Variants in LGR5 observed in about 807,000 individuals in gnomAD.
LGR5 encodes leucine-rich repeat-containing G protein-coupled receptor 5.
Under a neutral mutation model 76.7 loss-of-function variants are expected in LGR5, and 54 were observed. The ratio of observed to expected loss-of-function variants is 0.70; its 90% CI spans 0.57 to 0.88. The LOEUF (loss-of-function observed/expected upper bound fraction) is 0.88, where lower values mean the gene tolerates loss of function less well. Ranked by LOEUF, LGR5 falls within the 40% of genes least tolerant of loss-of-function variation. The pLI, the probability that LGR5 is intolerant of heterozygous loss-of-function variation, is 0.00. For missense variants in LGR5, 1,078 were observed against 1,073.3 expected, an observed-to-expected ratio of 1.00 and a Z score of -0.06; for synonymous variants, 406 against 421.9, an observed-to-expected ratio of 0.96 and a Z score of 0.46.
At chr12:71,470,931 TC>T (rs1287915515) in intron 1 of LGR5, among the ~76,000 whole-genome samples, 2 of 152,148 alleles carry the variant, frequency 1.3e-5, no homozygotes, top group Non-Finnish European at 2.9e-5. Context: ...TGAAGTATGC[TC>T]CCCTCCAATG....
intron 1 of LGR5, among the ~76,000 whole-genome samples, chr12:71,462,362 T>G (rs1330475163): frequency 6.6e-6 from 1 of 152,198 alleles, no homozygotes; most frequent in Non-Finnish European, 1.5e-5. Context: ...ATTGAAATCC[T>G]AGGTTAATTT....
rs1565701102 is a variant in LGR5 at position 71,504,661 on chromosome 12, CCAGTCT to C, written c.262_267del (p.Ser88_Leu89del). Reference sequence around the variant, plus strand: ...AGTCAGCTGCTCCCGAATCCCCTGCCCAGTCTCCGCTTCCTGGAGGAGTTGTAAGTA... The same window carrying C: ...AGTCAGCTGCTCCCGAATCCCCTGCCCCGCTTCCTGGAGGAGTTGTAAGTA... On this transcript the variant is annotated inframe_deletion, in exon 2 of 18. Coordinates refer to ENST00000266674, the MANE Select transcript of LGR5 (RefSeq NM_003667.4). The C allele has an allele frequency of 6.2e-7, 1 of 1,613,896 alleles. No individual in the cohort carries two copies. Among genetic ancestry groups the C allele is most frequent in the Admixed American group, 1.7e-5 (1 of 59,996 alleles).
intron 4 of LGR5, among the ~76,000 whole-genome samples, chr12:71,541,122 TATG>T (rs1250638952): frequency 6.6e-6 from 1 of 152,196 alleles, no homozygotes; most frequent in Non-Finnish European, 1.5e-5. Flanking sequence ...AGTGAATTCT[TATG>T]AGGAGGAAAA....
Position 71,584,835 on chromosome 12 carries a change from G to T in LGR5, c.*101G>T, listed in dbSNP as rs1328873520. On this transcript the variant is annotated 3_prime_UTR_variant, in exon 18 of 18. Transcript: ENST00000266674. ...AATAAGAAGAGCTGAGGTGAAACTC[G>T]GTTTAAAAACCAAAAAAGAATCTCT... 1 of 1,328,192 alleles carries T rather than the reference G, an allele frequency of 7.5e-7. No homozygotes were observed. Among genetic ancestry groups the T allele is most frequent in the East Asian group, 2.3e-5 (1 of 43,028 alleles). The allele number at this position is 1,328,192 out of a possible 1,614,324, so 82.3% of individuals were successfully genotyped here. A position where few individuals can be genotyped will look rare whatever the true frequency, so the allele number is the denominator to read the frequency against.
upstream of LGR5, chr12:71,439,725 G>C (rs565139218): frequency 2.9e-5 from 7 of 239,622 alleles, no homozygotes; most frequent in African/African-American, 1.6e-4. Context: ...GGGAAGCCAG[G>C]CTGCGCTGAC....
intron 1 of LGR5, among the ~76,000 whole-genome samples, chr12:71,486,081 A>G (rs907747066): frequency 5.3e-5 from 8 of 152,118 alleles, no homozygotes; most frequent in Non-Finnish European, 1.0e-4. Flanking sequence ...GCTGCTTTTT[A>G]AGATCTAGCT....
intron 4 of LGR5, among the ~76,000 whole-genome samples, chr12:71,551,101 T>C (rs1298863906): frequency 6.6e-6 from 1 of 152,256 alleles, no homozygotes; most frequent in East Asian, 1.9e-4. Flanking sequence ...GTTGTTCTAT[T>C]GGAAATTTAA....
intron 4 of LGR5, among the ~76,000 whole-genome samples, chr12:71,538,470 G>T (rs540627217): frequency 2.6e-5 from 4 of 152,072 alleles, no homozygotes; most frequent in African/African-American, 9.6e-5. Context: ...AGTGAGCCCT[G>T]ATCATGCCAC....
chr12:71,542,440 A>G (rs1053215030), intron 4 of LGR5, among the ~76,000 whole-genome samples: 25 of 152,180 alleles, frequency 1.6e-4, no homozygotes, highest in Non-Finnish European at 2.9e-5. Flanking sequence ...CAAGGATTTC[A>G]GTCTTTACTG....
rs1293370808 is a variant in LGR5 at position 71,580,272 on chromosome 12, T to C, written c.1407-6T>C. 1 of 1,599,228 alleles carries C rather than the reference T, an allele frequency of 6.3e-7. No individual in the cohort carries two copies. Among genetic ancestry groups the C allele is most frequent in the African/African-American group, 1.4e-5 (1 of 74,052 alleles). Reference sequence around the variant, plus strand: ...TGTTTTTTGTTTGGGTTTTGTTCATTTAAAGGGTTATAGAAATGCCTTATG... The same window carrying C: ...TGTTTTTTGTTTGGGTTTTGTTCATCTAAAGGGTTATAGAAATGCCTTATG... On this transcript the variant is annotated splice_region_variant and splice_polypyrimidine_tract_variant and intron_variant, in intron 15 of 17. Coordinates refer to ENST00000266674, the MANE Select transcript of LGR5 (RefSeq NM_003667.4).
At chr12:71,456,573 A>G (rs1872486282) in intron 1 of LGR5, among the ~76,000 whole-genome samples, 1 of 152,190 alleles carries the variant, frequency 6.6e-6, no homozygotes, top group South Asian at 2.1e-4. Context: ...TGCCCACTGA[A>G]GTGAAAGAAG....
At chr12:71,491,530 A>T (rs1592486272) in intron 1 of LGR5, among the ~76,000 whole-genome samples, 1 of 152,046 alleles carries the variant, frequency 6.6e-6, no homozygotes, top group African/African-American at 2.4e-5. Flanking sequence ...ATAAGAAAGA[A>T]GTTGAATCTA....
intron 8 of LGR5, among the ~76,000 whole-genome samples, chr12:71,564,080 A>T (rs1279305908): frequency 0.057 from 121 of 2,132 alleles, 9 homozygotes; most frequent in Admixed American, 0.4. Flanking sequence ...ATATATACGT[A>T]TCTGTACACA....
chr12:71,447,213 TA>T (rs1250571732), intron 1 of LGR5, among the ~76,000 whole-genome samples: 1 of 152,204 alleles, frequency 6.6e-6, no homozygotes, highest in East Asian at 1.9e-4. Context: ...TCCCCCAACA[TA>T]TTTTTAAACT....
At chr12:71,541,326 C>T (rs1876868900) in intron 4 of LGR5, among the ~76,000 whole-genome samples, 1 of 152,150 alleles carries the variant, frequency 6.6e-6, no homozygotes, top group South Asian at 2.1e-4. Context: ...AGGTTACCTG[C>T]CAGTCCTGTG....
intron 1 of LGR5, among the ~76,000 whole-genome samples, chr12:71,447,851 C>G (rs886875104): frequency 6.6e-6 from 1 of 152,200 alleles, no homozygotes; most frequent in Non-Finnish European, 1.5e-5. Flanking sequence ...AGAAGACAAT[C>G]GTCCTGGCAA....
At chr12:71,511,043 C>G (rs989447519) in intron 2 of LGR5, among the ~76,000 whole-genome samples, 1 of 152,144 alleles carries the variant, frequency 6.6e-6, no homozygotes, top group Admixed American at 6.5e-5. Context: ...AATGGGAAGC[C>G]ATTGGAGGAT....
rs757603085 is a variant in LGR5, at chr12:71,553,069, A to C, written c.429-4A>C. 1 of 1,613,566 alleles carries C rather than the reference A, an allele frequency of 6.2e-7. No homozygotes were observed. Among genetic ancestry groups the C allele is most frequent in the Non-Finnish European group, 8.5e-7 (1 of 1,179,754 alleles). On this transcript the variant is annotated splice_region_variant and splice_polypyrimidine_tract_variant and intron_variant, in intron 4 of 17. Transcript: ENST00000266674. ...TTTCCATTCTTGCTTTCTTTCTTCC[A>C]CAGGCGTCTGGATGCTAACCACATC...
At chr12:71,479,177 G>T (rs552839719) in intron 1 of LGR5, among the ~76,000 whole-genome samples, 1 of 152,142 alleles carries the variant, frequency 6.6e-6, no homozygotes, top group Middle Eastern at 3.4e-3. Context: ...GTTCATTAAT[G>T]TCTCCTTGAT....
Sources: allele counts gnomAD v4.1 joint callset (sites outside exome capture counted in the v4.1 genomes callset), GRCh38; gene constraint gnomAD v4.1.1; transcripts MANE v1.5; gene names NCBI Gene and HGNC (gene_info 2026-07-23, HGNC 2026-07-21).